IGF1R: variants seen among roughly 807,000 people sequenced by gnomAD.
IGF1R encodes the protein insulin-like growth factor 1 receptor.
In IGF1R, 44 loss-of-function variants were observed where a neutral mutation model predicts 144.6. That is an observed-to-expected ratio of 0.30 (90% confidence interval 0.24 to 0.39). The LOEUF is 0.39. Among genes scored for constraint, IGF1R ranks in the 10% least tolerant of loss-of-function variants. The pLI, the probability that IGF1R is intolerant of heterozygous loss-of-function variation, is 1.00. For synonymous variants in IGF1R, 795 were observed against 722.8 expected (o/e 1.10, Z -1.60); for missense variants, 1,355 against 1,833.7 (o/e 0.74, Z 4.77).
intron 2 of IGF1R, among the ~76,000 whole-genome samples, chr15:98,804,780 C>T (rs1191280479): frequency 6.6e-6 from 1 of 152,206 alleles, no homozygotes. Flanking sequence ...TCACTGCAAC[C>T]TCCACATCCC....
chr15:98,752,189 C>T (rs1469938365), intron 2 of IGF1R, among the ~76,000 whole-genome samples: 1 of 152,026 alleles, frequency 6.6e-6, no homozygotes, highest in Non-Finnish European at 1.5e-5. Context: ...CAATGACAAG[C>T]AGATGCTTTC....
At chr15:98,885,337 C>T (rs904297644) in intron 2 of IGF1R, among the ~76,000 whole-genome samples, 5 of 152,222 alleles carry the variant, frequency 3.3e-5, no homozygotes, top group Non-Finnish European at 5.9e-5. Flanking sequence ...GACTTCTGTT[C>T]GGCCTGGGGC....
chr15:98,762,102 T>TA (rs1405941643), intron 2 of IGF1R, among the ~76,000 whole-genome samples: 1 of 152,218 alleles, frequency 6.6e-6, no homozygotes, highest in Non-Finnish European at 1.5e-5. Flanking sequence ...TGTGATGATG[T>TA]AGCTCACTTG....
Position 98,861,008 on chromosome 15 carries a change from A to AT in IGF1R, c.641-30308dup, listed in dbSNP as rs552092086. 1.1e-4 allele frequency among the ~76,000 whole-genome samples: 16 copies of AT among 150,504 alleles called. 1 individual carries two copies. Among genetic ancestry groups the AT allele is most frequent in the Admixed American group, 3.3e-4 (5 of 15,126 alleles). On this transcript the variant is annotated intron_variant, in intron 2 of 20. Transcript: ENST00000650285. ...TGTGATAAATTTATTCCTTTGCATG[A>AT]TTTTTTTTTCTTTTTCTTCCCTCCC...
At chr15:98,655,467 C>T (rs2052463234) in intron 1 of IGF1R, among the ~76,000 whole-genome samples, 1 of 151,974 alleles carries the variant, frequency 6.6e-6, no homozygotes, top group Non-Finnish European at 1.5e-5. Flanking sequence ...ACTGATATTT[C>T]CTTACTTGAA....
intron 1 of IGF1R, among the ~76,000 whole-genome samples, chr15:98,661,725 C>G (rs1396815942): frequency 6.6e-6 from 1 of 152,222 alleles, no homozygotes; most frequent in Non-Finnish European, 1.5e-5. Flanking sequence ...GCCTCAGTGT[C>G]TCTGCCTGTG....
chr15:98,868,936 G>A (rs1258549131), intron 2 of IGF1R, among the ~76,000 whole-genome samples: 2 of 152,142 alleles, frequency 1.3e-5, no homozygotes, highest in Non-Finnish European at 2.9e-5. Context: ...GGTCTGCCCA[G>A]AAGCAAGTGT....
intron 1 of IGF1R, among the ~76,000 whole-genome samples, chr15:98,663,968 C>T (rs1408012314): frequency 6.6e-6 from 1 of 152,200 alleles, no homozygotes; most frequent in Admixed American, 6.5e-5. Context: ...AGCAATTGCC[C>T]ATCCTTAGCC....
chr15:98,928,969 C>T lies in IGF1R; in HGVS notation c.2783-589C>T, dbSNP rs76084464. On this transcript the variant is annotated intron_variant, in intron 13 of 20. Transcript: ENST00000650285. ...GAACTATCTCAAAGATTGAGGCCAGCAGGACTTGACCTATACATAGATGTA... is the reference window on the plus strand; with the variant it reads ...GAACTATCTCAAAGATTGAGGCCAGTAGGACTTGACCTATACATAGATGTA... Among the ~76,000 whole-genome samples, 7 of 152,206 alleles carry T rather than the reference C, an allele frequency of 4.6e-5. No individual in the cohort carries two copies. In the South Asian group the frequency reaches 1.5e-3, roughly 32 times the overall value.
intron 2 of IGF1R, among the ~76,000 whole-genome samples, chr15:98,877,614 G>C (rs762180327): frequency 1.8e-4 from 26 of 145,520 alleles, no homozygotes; most frequent in Non-Finnish European, 3.3e-4. Context: ...GTGCAAAATT[G>C]TGAGGTCACT....
intron 1 of IGF1R, among the ~76,000 whole-genome samples, chr15:98,672,393 C>T (rs926357563): frequency 6.6e-6 from 1 of 151,944 alleles, no homozygotes; most frequent in Non-Finnish European, 1.5e-5. Flanking sequence ...GGCGAAACCC[C>T]GTCTCTACGA....
At chr15:98,665,062 A>C (rs2052700666) in intron 1 of IGF1R, among the ~76,000 whole-genome samples, 1 of 148,816 alleles carries the variant, frequency 6.7e-6, no homozygotes, top group South Asian at 2.1e-4. Flanking sequence ...GGTTCACGCC[A>C]TTCTCCTGCC....
intron 2 of IGF1R, among the ~76,000 whole-genome samples, chr15:98,782,773 A>G (rs563814664): frequency 1.4e-4 from 21 of 152,346 alleles, no homozygotes; most frequent in African/African-American, 3.8e-4. Flanking sequence ...AAGTTGCTCA[A>G]TAATAGACTT....
intron 2 of IGF1R, among the ~76,000 whole-genome samples, chr15:98,865,430 C>T (rs966347220): frequency 1.3e-5 from 2 of 152,200 alleles, no homozygotes; most frequent in Non-Finnish European, 2.9e-5. Context: ...CCTGCAGCCG[C>T]CAAGGAGGGG....
chr15:98,921,048 C>T lies in IGF1R; in HGVS notation c.2202-1100C>T, dbSNP rs183631791. 4.3e-3 allele frequency among the ~76,000 whole-genome samples: 649 copies of T among 152,306 alleles called. 5 individuals carry two copies. Among genetic ancestry groups the T allele is most frequent in the African/African-American group, 0.015 (621 of 41,576 alleles). The stretch of plus-strand genomic sequence containing the variant: ...ATGGCACTGATGAGCTTCCCACATT[C>T]TGGACTTTCTCATTTCCCTGGGCAG... On this transcript the variant is annotated intron_variant, in intron 10 of 20. Coordinates refer to ENST00000650285, the MANE Select transcript of IGF1R (RefSeq NM_000875.5).
chr15:98,753,225 C>G (rs1237528650), intron 2 of IGF1R, among the ~76,000 whole-genome samples: 1 of 124,086 alleles, frequency 8.1e-6, no homozygotes, highest in African/African-American at 2.8e-5. Context: ...GCCATTACGT[C>G]CAGCCTTTTT....
chr15:98,933,709 C>T (rs189679019), intron 15 of IGF1R, among the ~76,000 whole-genome samples: 2 of 152,314 alleles, frequency 1.3e-5, no homozygotes, highest in African/African-American at 2.4e-5. Context: ...ATCTACTGTG[C>T]ATTCCTCCCA....
chr15:98,858,646 C>T (rs537372722), intron 2 of IGF1R, among the ~76,000 whole-genome samples: 20 of 152,282 alleles, frequency 1.3e-4, no homozygotes, highest in African/African-American at 4.6e-4. Context: ...GCACAGACTC[C>T]ACCTTTCAGG....
At chr15:98,759,288 C>T (rs1317610491) in intron 2 of IGF1R, among the ~76,000 whole-genome samples, 2 of 152,220 alleles carry the variant, frequency 1.3e-5, no homozygotes, top group South Asian at 2.1e-4. Context: ...TGTTCACAGT[C>T]TGTTTATCCA....
Sources: gnomAD v4.1 joint callset for allele counts (sites outside exome capture counted in the v4.1 genomes callset) on GRCh38, gnomAD v4.1.1 for gene constraint, MANE v1.5 for transcripts, NCBI Gene and HGNC (gene_info 2026-07-23, HGNC 2026-07-21) for gene names.